The following LINGO2 variants were observed in gnomAD, a reference collection of about 807,000 sequenced individuals.
LINGO2 encodes the protein leucine-rich repeat and immunoglobulin-like domain-containing nogo receptor-interacting protein 2.
In LINGO2, 14 loss-of-function variants were observed where a neutral mutation model predicts 30.6. The observed-to-expected ratio is 0.46, with a 90% CI of 0.30 to 0.72. The LOEUF (loss-of-function observed/expected upper bound fraction) is 0.72. LINGO2 is among the 30% of genes least tolerant of loss of function. The pLI, the probability that LINGO2 is intolerant of heterozygous loss-of-function variation, is 0.07. For synonymous variants in LINGO2, 317 were observed against 288.5 expected (o/e 1.10, Z -1.00); for missense variants, 729 against 751.7 (o/e 0.97, Z 0.35).
At chr9:29,070,704 T>G in the LINGO2 span, among the ~76,000 whole-genome samples, 3 of 151,240 alleles carry the variant, frequency 2.0e-5, no homozygotes, top group Admixed American at 2.0e-4. Context: ...CTCAACTCTC[T>G]GAACATTAAC....
At chr9:27,978,335 G>T (rs1820700549) in intron 5 of LINGO2, among the ~76,000 whole-genome samples, 1 of 152,026 alleles carries the variant, frequency 6.6e-6, no homozygotes, top group East Asian at 1.9e-4. Context: ...TGTCTAAATG[G>T]GGTCTTGCTA....
At chr9:28,076,124 C>G (rs1036882832) in intron 4 of LINGO2, among the ~76,000 whole-genome samples, 17 of 152,058 alleles carry the variant, frequency 1.1e-4, no homozygotes, top group Non-Finnish European at 2.2e-4. Flanking sequence ...TAAAATCAAT[C>G]TTTAAAATCT....
intron 4 of LINGO2, among the ~76,000 whole-genome samples, chr9:28,101,459 G>C (rs961960696): frequency 1.3e-5 from 2 of 152,130 alleles, no homozygotes; most frequent in African/African-American, 4.8e-5. Flanking sequence ...GGAGAAAAAG[G>C]CTTCTAATTT....
the LINGO2 span, among the ~76,000 whole-genome samples, chr9:29,060,002 A>G: frequency 0.011 from 1,627 of 152,182 alleles, 22 homozygotes; most frequent in Non-Finnish European, 0.019. Context: ...TGAAATGCAA[A>G]ATTCAACTTC....
chr9:28,742,120 T>C, the LINGO2 span, among the ~76,000 whole-genome samples: 3 of 152,042 alleles, frequency 2.0e-5, no homozygotes, highest in Admixed American at 2.0e-4. Flanking sequence ...TGTTTTACTA[T>C]GGTGAACCTG....
intron 3 of LINGO2, among the ~76,000 whole-genome samples, chr9:28,363,258 A>G (rs558746598): frequency 3.5e-4 from 54 of 152,336 alleles, no homozygotes; most frequent in Non-Finnish European, 6.9e-4. Context: ...CAGATCAATG[A>G]TAAGTGAAAC....
the LINGO2 span, among the ~76,000 whole-genome samples, chr9:28,796,471 G>T: frequency 2.6e-5 from 4 of 151,986 alleles, no homozygotes; most frequent in Admixed American, 2.6e-4. Context: ...CATATGGCAA[G>T]CACAGCCTAT....
the LINGO2 span, among the ~76,000 whole-genome samples, chr9:29,209,591 C>A: frequency 6.6e-6 from 1 of 152,064 alleles, no homozygotes; most frequent in African/African-American, 2.4e-5. Context: ...ATGGGTAAGC[C>A]TGATACCTGG....
At chr9:28,776,745 A>G in the LINGO2 span, among the ~76,000 whole-genome samples, 1 of 152,146 alleles carries the variant, frequency 6.6e-6, no homozygotes, top group African/African-American at 2.4e-5. Flanking sequence ...CCACTGGTCA[A>G]GTAAATAAGC....
At chr9:28,035,296 A>T (rs2132932008) in intron 4 of LINGO2, among the ~76,000 whole-genome samples, 1 of 152,322 alleles carries the variant, frequency 6.6e-6, no homozygotes, top group South Asian at 2.1e-4. Flanking sequence ...ATATTTCCTT[A>T]TAGGACATAT....
chr9:29,062,930 A>G, the LINGO2 span, among the ~76,000 whole-genome samples: 1 of 152,054 alleles, frequency 6.6e-6, no homozygotes, highest in African/African-American at 2.4e-5. Context: ...TCACTCCCTG[A>G]CCTGGAGGGA....
At chr9:27,972,912 G>A (rs1293610488) in intron 5 of LINGO2, among the ~76,000 whole-genome samples, 28 of 152,180 alleles carry the variant, frequency 1.8e-4, no homozygotes, top group Non-Finnish European at 2.1e-4. Context: ...TGTTACCAGT[G>A]TGGGTGAACA....
the LINGO2 span, among the ~76,000 whole-genome samples, chr9:28,819,259 A>G: frequency 1.3e-5 from 2 of 152,102 alleles, no homozygotes; most frequent in Non-Finnish European, 2.9e-5. Flanking sequence ...TTCCTGTTAT[A>G]CCCTTTCATC....
chr9:28,894,763 G>T, the LINGO2 span, among the ~76,000 whole-genome samples: 11 of 151,802 alleles, frequency 7.2e-5, no homozygotes, highest in African/African-American at 9.7e-5. Flanking sequence ...TATTTATCAT[G>T]TACAATATGT....
chr9:28,036,629 A>G (rs1157390175), intron 4 of LINGO2, among the ~76,000 whole-genome samples: 1 of 152,242 alleles, frequency 6.6e-6, no homozygotes, highest in Non-Finnish European at 1.5e-5. Context: ...ACAAAGGGAC[A>G]AGACTTTAGC....
intron 4 of LINGO2, among the ~76,000 whole-genome samples, chr9:28,182,564 A>G (rs779141119): frequency 6.6e-5 from 10 of 152,224 alleles, no homozygotes; most frequent in Non-Finnish European, 1.2e-4. Context: ...CAATCTACCC[A>G]TCTGACAAAG....
chr9:29,003,105 C>T, the LINGO2 span, among the ~76,000 whole-genome samples: 70 of 152,040 alleles, frequency 4.6e-4, 1 homozygote, highest in African/African-American at 9.6e-4. Context: ...CCACACCAGA[C>T]GCTAAGAGTA....
At chr9:28,582,349 G>C (rs914578743) in intron 1 of LINGO2, among the ~76,000 whole-genome samples, 2 of 151,964 alleles carry the variant, frequency 1.3e-5, no homozygotes, top group Admixed American at 1.3e-4. Flanking sequence ...TAATCAGTTC[G>C]CAAGCTGTAA....
chr9:28,321,906 G>C, intron 3 of LINGO2, among the ~76,000 whole-genome samples: 1 of 150,376 alleles, frequency 6.6e-6, no homozygotes, highest in Middle Eastern at 3.2e-3. Context: ...CACTGGAATG[G>C]AAAAAAAGAA....
Sources: allele counts gnomAD v4.1 joint callset (sites outside exome capture counted in the v4.1 genomes callset), GRCh38; gene constraint gnomAD v4.1.1; transcripts MANE v1.5; gene names NCBI Gene and HGNC (gene_info 2026-07-23, HGNC 2026-07-21).